THSD4: variants seen among roughly 807,000 people sequenced by gnomAD.
The protein encoded by THSD4 is thrombospondin type-1 domain-containing protein 4.
THSD4 carries 69 observed loss-of-function variants against 119.0 expected under a neutral mutation model. The ratio of observed to expected loss-of-function variants is 0.58; its 90% CI spans 0.48 to 0.71. THSD4 has a LOEUF of 0.71. Ranked by LOEUF, THSD4 falls within the 30% of genes least tolerant of loss-of-function variation. The pLI, the probability that THSD4 is intolerant of heterozygous loss-of-function variation, is 0.00. For synonymous variants in THSD4, 524 were observed against 540.4 expected (o/e 0.97, Z 0.42); for missense variants, 1,393 against 1,391.1 (o/e 1.00, Z -0.02).
At chr15:71,357,020 A>G (rs2045823901) in intron 6 of THSD4, among the ~76,000 whole-genome samples, 2 of 152,204 alleles carry the variant, frequency 1.3e-5, no homozygotes, top group African/African-American at 2.4e-5. Flanking sequence ...TGGGGTAAGA[A>G]GAGCATATCA....
chr15:71,409,523 G>T (rs745769304), intron 6 of THSD4, among the ~76,000 whole-genome samples: 19 of 152,120 alleles, frequency 1.2e-4, no homozygotes, highest in Non-Finnish European at 2.8e-4. Flanking sequence ...AATCCCAGAG[G>T]TGATTCCATC....
chr15:71,541,816 G>A (rs1048595703), intron 7 of THSD4, among the ~76,000 whole-genome samples: 11 of 152,178 alleles, frequency 7.2e-5, no homozygotes, highest in African/African-American at 2.7e-4. Context: ...GACCTTTCTA[G>A]AGAAAGGGAG....
chr15:71,755,221 C>A (rs955026490), intron 14 of THSD4, among the ~76,000 whole-genome samples: 52 of 152,192 alleles, frequency 3.4e-4, no homozygotes, highest in African/African-American at 1.2e-3. Context: ...ATGTTCTGAT[C>A]CCCTTCAAGC....
chr15:71,488,142 G>T (rs1196741030), intron 7 of THSD4, among the ~76,000 whole-genome samples: 1 of 152,090 alleles, frequency 6.6e-6, no homozygotes, highest in Non-Finnish European at 1.5e-5. Flanking sequence ...GGCAGCGGTA[G>T]ATTTATTGTT....
intron 8 of THSD4, among the ~76,000 whole-genome samples, chr15:71,709,147 C>T (rs1031239539): frequency 3.9e-5 from 6 of 152,072 alleles, no homozygotes; most frequent in African/African-American, 1.4e-4. Context: ...ACCTGGAAAA[C>T]GGGATTGGAA....
chr15:71,310,553 G>A (rs532063039), intron 6 of THSD4, among the ~76,000 whole-genome samples: 1 of 152,256 alleles, frequency 6.6e-6, no homozygotes, highest in East Asian at 1.9e-4. Flanking sequence ...TAGACTGAGT[G>A]GGGGAAACTC....
At chr15:71,664,308 A>AT (rs1491580411) in intron 8 of THSD4, among the ~76,000 whole-genome samples, 20 of 150,766 alleles carry the variant, frequency 1.3e-4, no homozygotes, top group Non-Finnish European at 3.0e-4. Context: ...TTACAACTTT[A>AT]TTTTTTTTTA....
chr15:71,735,907 TTG>T (rs2053085516), intron 10 of THSD4, among the ~76,000 whole-genome samples: 1 of 150,446 alleles, frequency 6.6e-6, no homozygotes, highest in African/African-American at 2.5e-5. Flanking sequence ...TCTGTCTCTC[TTG>T]CTCTCTGTCT....
At chr15:71,355,152 T>C (rs573627545) in intron 6 of THSD4, among the ~76,000 whole-genome samples, 8 of 152,246 alleles carry the variant, frequency 5.3e-5, no homozygotes, top group Non-Finnish European at 8.8e-5. Flanking sequence ...AAGTCTTCTT[T>C]CTGGAGATTT....
chr15:71,599,160 A>G (rs896933713), intron 7 of THSD4, among the ~76,000 whole-genome samples: 8 of 152,212 alleles, frequency 5.3e-5, no homozygotes, highest in Admixed American at 6.5e-5. Flanking sequence ...CTGTCTCCGA[A>G]GCTAAATTGT....
chr15:71,621,338 A>G (rs1168077584), intron 7 of THSD4, among the ~76,000 whole-genome samples: 5 of 152,210 alleles, frequency 3.3e-5, no homozygotes, highest in Non-Finnish European at 7.3e-5. Context: ...TTAACATGGA[A>G]AAGAACCCAT....
rs893048580 is a variant in THSD4 at position 71,650,475 on chromosome 15, G to T, written c.1153-10055G>T. Among the ~76,000 whole-genome samples, 96 of 152,070 alleles carry T rather than the reference G, an allele frequency of 6.3e-4. 1 individual carries two copies. The highest frequency in any genetic ancestry group is 2.1e-3 in the African/African-American group (87 of 41,390). On this transcript the variant is annotated intron_variant, in intron 7 of 17. Transcript: ENST00000261862. ...CCATGGACCACACTTTGAGTAACAG[G>T]GGGCCAGAGAAAATAAACTAAGGCT... is the stretch of plus-strand genomic sequence containing the variant.
chr15:71,483,912 G>A (rs1465951056), intron 7 of THSD4, among the ~76,000 whole-genome samples: 1 of 152,116 alleles, frequency 6.6e-6, no homozygotes, highest in African/African-American at 2.4e-5. Flanking sequence ...GTGTGTCCCT[G>A]TAAAGGACAC....
chr15:71,320,632 T>C (rs2045253929), intron 6 of THSD4, among the ~76,000 whole-genome samples: 1 of 152,218 alleles, frequency 6.6e-6, no homozygotes, highest in Admixed American at 6.5e-5. Context: ...TCCTGGAACG[T>C]GATCAAACTT....
chr15:71,639,261 T>C (rs1054130746), intron 7 of THSD4, among the ~76,000 whole-genome samples: 2 of 152,228 alleles, frequency 1.3e-5, no homozygotes, highest in African/African-American at 2.4e-5. Context: ...CTTTCATCAA[T>C]TTGTAAACTG....
At chr15:71,667,757 A>G (rs1284683068) in intron 8 of THSD4, among the ~76,000 whole-genome samples, 4 of 152,232 alleles carry the variant, frequency 2.6e-5, no homozygotes, top group African/African-American at 9.6e-5. Flanking sequence ...TGTTCACTGT[A>G]AAAATTTCAA....
At position 71,452,387 on chromosome 15, in the gene THSD4, G is replaced by T. The variant is rs532385742; in HGVS notation, c.1152+40564G>T. Among the ~76,000 whole-genome samples the T allele has an allele frequency of 2.2e-3, 335 of 152,002 alleles. 4 individuals are homozygous for T. The highest frequency in any genetic ancestry group is 3.4e-3 in the Non-Finnish European group (230 of 67,966). ...GGTGTTTCTACCCTGGGCTGGGTAT[G>T]GGGGAGGCTGCATGAGGTGAAGGAA... On this transcript the variant is annotated intron_variant, in intron 7 of 17. Transcript: ENST00000261862.
At chr15:71,241,426 T>C (rs550004202) in intron 4 of THSD4, among the ~76,000 whole-genome samples, 4 of 152,322 alleles carry the variant, frequency 2.6e-5, no homozygotes, top group African/African-American at 9.6e-5. Context: ...GCAACATTTA[T>C]TGTATGGCCT....
In THSD4 at chr15:71,573,602, T is replaced by G. The variant is rs191082121; in HGVS notation, c.1153-86928T>G. The stretch of plus-strand genomic sequence containing the variant: ...TGAAATAAGTTAAACACCATACTGT[T>G]TTAATGTAAAAATATTTCCTCAAAT... On this transcript the variant is annotated intron_variant, in intron 7 of 17. Coordinates refer to ENST00000261862, the MANE Select transcript of THSD4 (RefSeq NM_024817.3). Among the ~76,000 whole-genome samples the G allele has an allele frequency of 1.7e-3, 253 of 152,318 alleles. 1 individual carries two copies. The highest frequency in any genetic ancestry group is 3.2e-3 in the Admixed American group (49 of 15,296).
Sources: allele counts gnomAD v4.1 joint callset (sites outside exome capture counted in the v4.1 genomes callset), GRCh38; gene constraint gnomAD v4.1.1; transcripts MANE v1.5; gene names NCBI Gene and HGNC (gene_info 2026-07-23, HGNC 2026-07-21).